The following ECSIT variants were observed in gnomAD, a reference collection of about 807,000 sequenced individuals.
The protein encoded by ECSIT is ECSIT signaling integrator, also known as evolutionarily conserved signaling intermediate in Toll pathway, mitochondrial.
Under a neutral mutation model 36.8 loss-of-function variants are expected in ECSIT, and 29 were observed. The ratio of observed to expected loss-of-function variants is 0.79; its 90% CI spans 0.59 to 1.08. The LOEUF (loss-of-function observed/expected upper bound fraction) is 1.08. ECSIT is among the 50% of genes least tolerant of loss of function. The pLI, the probability that ECSIT is intolerant of heterozygous loss-of-function variation, is 0.00. For missense variants in ECSIT, 542 were observed against 581.0 expected (o/e 0.93, Z 0.69); for synonymous variants, 231 against 234.8 (o/e 0.98, Z 0.15).
At chr19:11,517,280 TAA>T (rs36093578) in intron 2 of ECSIT, among the ~76,000 whole-genome samples, 20 of 142,754 alleles carry the variant, frequency 1.4e-4, no homozygotes, top group African/African-American at 3.3e-4. Context: ...AAGGCAATGT[TAA>T]AAAAAAAAAA....
At chr19:11,528,444 T>A (rs1018065978) in intron 1 of ECSIT, among the ~76,000 whole-genome samples, 2 of 152,128 alleles carry the variant, frequency 1.3e-5, no homozygotes, top group African/African-American at 4.8e-5. Context: ...AGGGTCTTGC[T>A]ATGTTGCCAA....
At position 11,506,101 on chromosome 19, in the gene ECSIT, T is replaced by C; in HGVS notation, c.*83A>G. 6.5e-7 allele frequency: 1 copy of C among 1,548,066 alleles called. No individual in the cohort carries two copies. Among genetic ancestry groups the C allele is most frequent in the Non-Finnish European group, 8.7e-7 (1 of 1,151,072 alleles). On this transcript the variant is annotated 3_prime_UTR_variant, in exon 8 of 8. Coordinates refer to ENST00000270517, the MANE Select transcript of ECSIT (RefSeq NM_016581.5). The stretch of plus-strand genomic sequence containing the variant: ...AGAGCCCCAAGCAGGAAAACATTGA[T>C]TTGCTGTACACTCAAAGGGCATCTC...
At position 11,507,515 on chromosome 19, in the gene ECSIT, C is replaced by T. The variant is rs758975335; in HGVS notation, c.993G>A (p.Gln331=). The change falls in exon 7 of 8, where the codon CAG becomes CAA. Residue 331 remains glutamine, a synonymous_variant. Coordinates refer to ENST00000270517, the MANE Select transcript of ECSIT (RefSeq NM_016581.5). ...PEEWNLYYPM[Q]LDLEYVRSGW... is the part of the protein sequence containing the mutation. ...CACTCCTCACATACTCCAGGTCCAG[C>T]TGCATCGGGTAGTAGAGGTTCCACT... 3 of 1,614,000 alleles carry T rather than the reference C, an allele frequency of 1.9e-6. No homozygotes were observed. The highest frequency in any genetic ancestry group is 2.5e-6 in the Non-Finnish European group (3 of 1,180,024).
intron 1 of ECSIT, chr19:11,523,675 G>A: frequency 1.3e-6 from 1 of 742,152 alleles, no homozygotes; most frequent in Non-Finnish European, 2.4e-6. Flanking sequence ...TAAGGTTGAT[G>A]ACAACAAGAA....
At chr19:11,522,550 TAAAA>T in intron 1 of ECSIT, 7 of 569,782 alleles carry the variant, frequency 1.2e-5, no homozygotes, top group East Asian at 3.3e-5. Flanking sequence ...AACGCCCCGG[TAAAA>T]AAAAAAAAAA....
At chr19:11,510,937 C>T (rs908635581) in intron 4 of ECSIT, among the ~76,000 whole-genome samples, 4 of 151,456 alleles carry the variant, frequency 2.6e-5, no homozygotes, top group Non-Finnish European at 4.4e-5. Flanking sequence ...TAAATCTCTG[C>T]CCCCCCACCC....
chr19:11,507,677 C>T, intron 6 of ECSIT, 25 bp downstream of exon 6: 3 of 1,613,956 alleles, frequency 1.9e-6, no homozygotes, highest in South Asian at 1.1e-5. Flanking sequence ...CCAGCCCCAA[C>T]ACATGCTTTG....
chr19:11,528,974 C>T (rs1972271814), intron 1 of ECSIT, 88 bp downstream of exon 1: 1 of 152,280 alleles, frequency 6.6e-6, no homozygotes, highest in Non-Finnish European at 1.5e-5. Flanking sequence ...AGCTGGGTCC[C>T]TCCAGGGCTG....
At chr19:11,526,217 C>A (rs1307389637) in intron 1 of ECSIT, among the ~76,000 whole-genome samples, 1 of 152,152 alleles carries the variant, frequency 6.6e-6, no homozygotes, top group Non-Finnish European at 1.5e-5. Flanking sequence ...CCTGCCTTGG[C>A]CTCCCAAAGT....
intron 1 of ECSIT, chr19:11,521,992 G>T: frequency 4.5e-6 from 1 of 224,104 alleles, no homozygotes; most frequent in South Asian, 5.8e-5. Flanking sequence ...CACACTACAA[G>T]AGTACAAGGT....
intron 4 of ECSIT, among the ~76,000 whole-genome samples, chr19:11,510,466 C>T (rs1011922509): frequency 6.6e-6 from 1 of 151,902 alleles, no homozygotes; most frequent in East Asian, 1.9e-4. Flanking sequence ...GCATGAGCCA[C>T]TGTGCCTGGC....
At chr19:11,518,955 G>A (rs1470905098) in intron 2 of ECSIT, 120 bp downstream of exon 2, 1 of 806,470 alleles carries the variant, frequency 1.2e-6, no homozygotes. Context: ...TGGGACCTCG[G>A]CACTGATAGG....
intron 4 of ECSIT, chr19:11,510,787 C>T (rs1159234072): frequency 6.6e-6 from 1 of 151,370 alleles, no homozygotes; most frequent in Non-Finnish European, 1.5e-5. Context: ...CTGCTGGTCT[C>T]AAGCCATCTC....
Position 11,507,702 on chromosome 19 carries a change from C to T in ECSIT, c.945G>A (p.Arg315=). Residue 315 remains arginine (R), a splice_region_variant and synonymous_variant, in exon 6 of 8, where the codon AGG becomes AGA. Transcript: ENST00000270517. The part of the protein sequence containing the change: ...LRADLLPPEE[R]EVEETPEEWN... ...CACATGCTTTGCTTTAAGCCCTCAC[C>T]CTCTCCTCCGGGGGCAGCAAGTCAG... 5 of 1,614,126 alleles carry T rather than the reference C, an allele frequency of 3.1e-6. No individual in the cohort carries two copies. The highest frequency in any genetic ancestry group is 4.2e-6 in the Non-Finnish European group (5 of 1,180,038).
intron 1 of ECSIT, among the ~76,000 whole-genome samples, chr19:11,527,689 C>T (rs7258118): frequency 0.062 from 9,431 of 152,016 alleles, 1,000 homozygotes; most frequent in African/African-American, 0.22. Flanking sequence ...GAGATCCTGT[C>T]TCTAAAAATA....
chr19:11,523,929 T>C (rs568672246), intron 1 of ECSIT: 1 of 366,362 alleles, frequency 2.7e-6, no homozygotes, highest in East Asian at 6.6e-5. Context: ...TAGTTAAGAT[T>C]TTTTGTTTTG....
At chr19:11,506,567 C>T in intron 7 of ECSIT, 139 bp from the exon 8 acceptor site, 1 of 1,169,574 alleles carries the variant, frequency 8.6e-7, no homozygotes, top group Non-Finnish European at 1.1e-6. Flanking sequence ...CGGAGTCTCG[C>T]TGTGTCACCC....
rs760363262 is a variant in ECSIT at position 11,513,998 on chromosome 19, A to G, written c.320T>C (p.Ile107Thr). Residue 107 changes from isoleucine to threonine, a missense_variant, in exon 3 of 8, where the codon ATT (isoleucine) becomes ACT (threonine). Transcript: ENST00000270517. The stretch of plus-strand genomic sequence containing the variant: ...GCGCAGGGCCAGGTAGATGAAGTCA[A>G]TGTGGCCCCGCTTACGCACGCTGTG... ...AEHSVRKRGHIDFIYLALRKM... is the reference protein window; with the variant it reads ...AEHSVRKRGHTDFIYLALRKM... 18 of 1,614,252 alleles carry G rather than the reference A, an allele frequency of 1.1e-5. 1 individual carries two copies. Among genetic ancestry groups the G allele is most frequent in the East Asian group, 8.9e-5 (4 of 44,880 alleles).
intron 1 of ECSIT, among the ~76,000 whole-genome samples, chr19:11,521,647 C>T (rs1972106860): frequency 6.6e-6 from 1 of 152,142 alleles, no homozygotes; most frequent in South Asian, 2.1e-4. Flanking sequence ...TGGGGGCACA[C>T]TCCTGCAGTC....
Sources: gnomAD v4.1 joint callset for allele counts (sites outside exome capture counted in the v4.1 genomes callset) on GRCh38, gnomAD v4.1.1 for gene constraint, MANE v1.5 for transcripts, NCBI Gene and HGNC (gene_info 2026-07-23, HGNC 2026-07-21) for gene names.